Variants in CENPT observed in about 807,000 individuals in gnomAD.
CENPT encodes the protein interphase centromere complex protein 22.
CENPT carries 42 observed loss-of-function variants against 59.7 expected under a neutral mutation model. The ratio of observed to expected loss-of-function variants is 0.70; its 90% confidence interval spans 0.55 to 0.91. The LOEUF is 0.91. CENPT is among the 40% of genes least tolerant of loss of function. The pLI is 0.00. For synonymous variants in CENPT, 295 were observed against 289.6 expected, an observed-to-expected ratio of 1.02 and a Z score of -0.19; for missense variants, 716 against 713.4, an observed-to-expected ratio of 1.00 and a Z score of -0.04.
At chr16:67,838,188 T>C (rs772533188) in intron 1 of CENPT, among the ~76,000 whole-genome samples, 7 of 152,228 alleles carry the variant, frequency 4.6e-5, no homozygotes, top group Non-Finnish European at 8.8e-5. Flanking sequence ...TTGGGCATAA[T>C]TTTCAATATT....
chr16:67,845,854 A>G (rs554567401), intron 1 of CENPT, among the ~76,000 whole-genome samples: 1 of 152,364 alleles, frequency 6.6e-6, no homozygotes, highest in East Asian at 1.9e-4. Context: ...TTTAAAAAAC[A>G]GAAGTGTGGT....
chr16:67,831,311 T>A lies in CENPT; in HGVS notation c.608A>T (p.Gln203Leu). The A allele has an allele frequency of 6.2e-7, 1 of 1,614,202 alleles. No homozygotes were observed. Among genetic ancestry groups the A allele is most frequent in the East Asian group, 2.2e-5 (1 of 44,872 alleles). Residue 203 changes from glutamine to leucine, a missense_variant, in exon 10 of 16, where the codon CAG becomes CTG. Coordinates refer to ENST00000562787, the MANE Select transcript of CENPT (RefSeq NM_025082.4). ...AGGTCTGCGGGCCAAGCCAGGCCTC[T>A]GCACTGACTGTGGCTGAAGAGGTGT... Reference protein sequence around the residue: ...FATPLQPQSVQRPGLARRPPA... With the variant: ...FATPLQPQSVLRPGLARRPPA...
Position 67,842,894 on chromosome 16 carries a change from C to T in CENPT, c.-492+4507G>A, listed in dbSNP as rs750296840. On this transcript the variant is annotated intron_variant, in intron 1 of 15. Coordinates refer to ENST00000562787, the MANE Select transcript of CENPT (RefSeq NM_025082.4). The surrounding 1 kb of genome is among the most constrained non-coding windows in gnomAD (Gnocchi z 4.9). ...GCAGCAACAGCAGCAGCAGCAGCAA[C>T]AGCAGCAACAGCAGCAGCAGCAGCA... 6.3e-7 allele frequency: 1 copy of T among 1,583,738 alleles called. No homozygotes were observed. Among genetic ancestry groups the T allele is most frequent in the African/African-American group, 1.5e-5 (1 of 68,792 alleles).
rs778622028 is a variant in CENPT, at chr16:67,832,254, G to A, written c.263C>T (p.Thr88Met). ...AGTTAGTAGGATGTTCTTCAGCAGC[G>A]TCCGAGGTGTCTGTTCCTCCAAGTG... ...SGHLEEQTPR[T>M]LLKNILLTAP... Residue 88 changes from threonine (T) to methionine (M), a missense_variant, in exon 6 of 16, where the codon ACG becomes ATG. Coordinates refer to ENST00000562787, the MANE Select transcript of CENPT (RefSeq NM_025082.4). 3.1e-6 allele frequency: 5 copies of A among 1,614,164 alleles called. No homozygotes were observed. Among genetic ancestry groups the A allele is most frequent in the African/African-American group, 1.3e-5 (1 of 75,054 alleles).
chr16:67,843,275 G>A lies in CENPT; in HGVS notation c.-492+4126C>T. 1 of 1,613,684 alleles carries A rather than the reference G, an allele frequency of 6.2e-7. No homozygotes were observed. Among genetic ancestry groups the A allele is most frequent in the Middle Eastern group, 1.6e-4 (1 of 6,062 alleles). ...AGGGGAAGAGGGCTTCCCTGATACT[G>A]GCTCCGACCATTCGTACTCCTTGTC... On this transcript the variant is annotated intron_variant, in intron 1 of 15. Transcript: ENST00000562787. The surrounding 1 kb of genome is among the most constrained non-coding windows in gnomAD (Gnocchi z 5.7).
Position 67,832,238 on chromosome 16 carries a change from G to C in CENPT, c.279C>G (p.Ile93Met). The change falls in exon 6 of 16, where the codon ATC becomes ATG. Residue 93 changes from isoleucine (I) to methionine (M), a missense_variant. Coordinates refer to ENST00000562787, the MANE Select transcript of CENPT (RefSeq NM_025082.4). ...EQTPRTLLKN[I>M]LLTAPESSIL... is the part of the protein sequence containing the mutation. The stretch of plus-strand genomic sequence containing the variant: ...CCAGCGCTCACTTACCAGTTAGTAG[G>C]ATGTTCTTCAGCAGCGTCCGAGGTG... 1 of 1,614,150 alleles carries C rather than the reference G, an allele frequency of 6.2e-7. No homozygotes were observed. Among genetic ancestry groups the C allele is most frequent in the Non-Finnish European group, 8.5e-7 (1 of 1,179,984 alleles).
rs778333252 is a variant in CENPT, at chr16:67,828,778, G to A, written c.1346C>T (p.Pro449Leu). Residue 449 changes from proline to leucine, a missense_variant, in exon 14 of 16, where the codon CCC (proline) becomes CTC (leucine). Pro to Leu is a moderately conservative substitution (Grantham distance 98, BLOSUM62 -3). Transcript: ENST00000562787. Reference sequence around the variant, plus strand: ...CTTGTGGGGATCTTGCCGGGGCCTGGGGCCGGTGGTCCGGGGCCTAGGGGG... The same window carrying A: ...CTTGTGGGGATCTTGCCGGGGCCTGAGGCCGGTGGTCCGGGGCCTAGGGGG... ...RHPPRPRTTG[P>L]RPRQDPHKAG... The A allele has an allele frequency of 5.6e-6, 9 of 1,609,126 alleles. No homozygotes were observed. The highest frequency in any genetic ancestry group is 2.2e-5 in the East Asian group (1 of 44,876).
In CENPT at chr16:67,843,213, C is replaced by T; in HGVS notation, c.-492+4188G>A. The stretch of plus-strand genomic sequence containing the variant: ...CAGGCTGCTACCGCAGGGCTGGAGG[C>T]TGCCGAGTGCCCTATGGGCCCCCAG... On this transcript the variant is annotated intron_variant, in intron 1 of 15. Transcript: ENST00000562787. This position sits in a 1 kb window ranked among gnomAD's most constrained non-coding sequence, Gnocchi z 5.7. 6.2e-7 allele frequency: 1 copy of T among 1,611,784 alleles called. No individual in the cohort carries two copies. The highest frequency in any genetic ancestry group is 8.5e-7 in the Non-Finnish European group (1 of 1,179,642).
In CENPT at chr16:67,832,448, T is replaced by A; in HGVS notation, c.201+7A>T. The A allele has an allele frequency of 6.2e-7, 1 of 1,614,026 alleles. No individual in the cohort carries two copies. Among genetic ancestry groups the A allele is most frequent in the Non-Finnish European group, 8.5e-7 (1 of 1,179,910 alleles). On this transcript the variant is annotated splice_region_variant and intron_variant, in intron 5 of 15. Transcript: ENST00000562787. Reference sequence around the variant, plus strand: ...GGCCCTTTGGGGTCAGTGGGCTGGGTACTTACCCTGGCTCCATGGGAACGC... The same window carrying A: ...GGCCCTTTGGGGTCAGTGGGCTGGGAACTTACCCTGGCTCCATGGGAACGC...
rs1345982827 is a variant in CENPT, at chr16:67,829,468, C to T, written c.1235G>A (p.Arg412Gln). Residue 412 changes from arginine (R) to glutamine (Q), a missense_variant, in exon 13 of 16, where the codon CGA becomes CAA. Physicochemically the swap from Arg to Gln is conservative, Grantham distance 43. Coordinates refer to ENST00000562787, the MANE Select transcript of CENPT (RefSeq NM_025082.4). ...SSTPESLQAR[R>Q]HHQFLEPAPA... Reference sequence around the variant, plus strand: ...GGCTGGCTCAAGAAACTGATGATGTCGCCTGGCCTGGAGAGACTCAGGGGT... The same window carrying T: ...GGCTGGCTCAAGAAACTGATGATGTTGCCTGGCCTGGAGAGACTCAGGGGT... 2.5e-6 allele frequency: 4 copies of T among 1,584,106 alleles called. No individual in the cohort carries two copies. The African/African-American group carries it at 4.1e-5, about 16-fold the overall frequency.
chr16:67,844,523 A>G (rs145876374), intron 1 of CENPT, among the ~76,000 whole-genome samples: 99 of 152,312 alleles, frequency 6.5e-4, no homozygotes, highest in Middle Eastern at 3.4e-3. Context: ...GAGGGTTTCA[A>G]TTCTCAGCTG....
intron 1 of CENPT, among the ~76,000 whole-genome samples, chr16:67,841,332 C>T (rs2151288863): frequency 6.6e-6 from 1 of 151,462 alleles, no homozygotes; most frequent in South Asian, 2.1e-4. Flanking sequence ...ACCCCAAATC[C>T]TTAACATGTC....
rs759113520 is a variant in CENPT at position 67,833,845 on chromosome 16, G to A, written c.15C>T (p.Asn5=). Residue 5 remains asparagine (N), a synonymous_variant, in exon 4 of 16, where the codon AAC becomes AAT. Transcript: ENST00000562787. The part of the protein sequence containing the change: MADH[N]PDSDSTPRTL... ...TGCGCGGCGTGGAGTCGCTGTCAGG[G>A]TTGTGGTCAGCCATCGTCTCGGCCC... 6 of 1,560,660 alleles carry A rather than the reference G, an allele frequency of 3.8e-6. No individual in the cohort carries two copies. The highest frequency in any genetic ancestry group is 2.5e-5 in the East Asian group (1 of 39,476).
At chr16:67,830,639 A>G in intron 10 of CENPT, 91 bp from the exon 11 acceptor site, 1 of 1,381,420 alleles carries the variant, frequency 7.2e-7, no homozygotes, top group Non-Finnish European at 1.0e-6. Flanking sequence ...ACCGGCTGCT[A>G]CTCAGCGTTG....
At position 67,844,666 on chromosome 16, in the gene CENPT, T is replaced by C. The variant is rs565197526; in HGVS notation, c.-492+2735A>G. ...AGGGCTGCTTCAGGCACAAGGACTG[T>C]TGTATAGATACCTTGGCCTTGGTAC... On this transcript the variant is annotated intron_variant, in intron 1 of 15. Transcript: ENST00000562787. Among the ~76,000 whole-genome samples the C allele has an allele frequency of 1.2e-3, 179 of 152,358 alleles. 2 individuals are homozygous for C. Among genetic ancestry groups the C allele is most frequent in the African/African-American group, 3.7e-3 (153 of 41,582 alleles).
chr16:67,839,115 G>A (rs969414624), intron 1 of CENPT, among the ~76,000 whole-genome samples: 1 of 151,512 alleles, frequency 6.6e-6, no homozygotes, highest in African/African-American at 2.4e-5. Flanking sequence ...GGTCGGGTGC[G>A]GTGGCTCACG....
In CENPT at chr16:67,828,217, G is replaced by C. The variant is rs772658849; in HGVS notation, c.*50C>G. On this transcript the variant is annotated 3_prime_UTR_variant, in exon 16 of 16. Transcript: ENST00000562787. ...GGGGAGGAGACCTGGAGAAATATGT[G>C]GGGGCAAGAGTCCCCAGGTGGGGAC... 6.5e-7 allele frequency: 1 copy of C among 1,533,834 alleles called. No homozygotes were observed. Among genetic ancestry groups the C allele is most frequent in the Non-Finnish European group, 8.8e-7 (1 of 1,141,188 alleles).
At chr16:67,829,571 GGCCAGCACA>G (rs2057660624) in intron 12 of CENPT, 55 bp from the exon 13 acceptor site, 1 of 1,484,910 alleles carries the variant, frequency 6.7e-7, no homozygotes, top group South Asian at 1.2e-5. Context: ...ATCTCACCCA[GGCCAGCACA>G]GCCACAGTAT....
Position 67,843,765 on chromosome 16 carries a change from G to C in CENPT, c.-492+3636C>G, listed in dbSNP as rs577262185. 1 of 456,598 alleles carries C rather than the reference G, an allele frequency of 2.2e-6. No individual in the cohort carries two copies. Among genetic ancestry groups the C allele is most frequent in the Non-Finnish European group, 4.1e-6 (1 of 246,488 alleles). The allele number at this position is 456,598 out of a possible 1,614,324, so 28.3% of individuals were successfully genotyped here. On this transcript the variant is annotated intron_variant, in intron 1 of 15. Transcript: ENST00000562787. This position sits in a 1 kb window ranked among gnomAD's most constrained non-coding sequence, Gnocchi z 5.7. ...TATTGTTGCAGATTCTGGTTAAGCA[G>C]AGGCTTCAGAACCACTGAACTTGAA... is the stretch of plus-strand genomic sequence containing the variant.
Sources: allele counts gnomAD v4.1 joint callset (sites outside exome capture counted in the v4.1 genomes callset), GRCh38; gene constraint gnomAD v4.1.1; non-coding constraint Gnocchi (gnomAD v3.1); transcripts MANE v1.5; gene names NCBI Gene and HGNC (gene_info 2026-07-23, HGNC 2026-07-21).